Variants in TAF1 observed in about 807,000 individuals in gnomAD.
TAF1 encodes transcription initiation factor TFIID subunit 1.
Under a neutral mutation model 138.5 loss-of-function variants are expected in TAF1, and 2 were observed. That is an observed-to-expected ratio of 0.01 (90% CI 0.01 to 0.05). The LOEUF (loss-of-function observed/expected upper bound fraction) is 0.05. Among genes scored for constraint, TAF1 ranks in the 10% least tolerant of loss-of-function variants. The pLI is 1.00. For missense variants in TAF1, 709 were observed against 1,478.0 expected, an observed-to-expected ratio of 0.48 and a Z score of 8.53; for synonymous variants, 437 against 503.2, an observed-to-expected ratio of 0.87 and a Z score of 1.76.
At chrX:71,368,827 A>C (rs1364972829) in intron 3 of TAF1, 4 of 101,104 alleles carry the variant, frequency 4.0e-5, no homozygotes, top group East Asian at 3.2e-4. Context: ...AAAAAAAAAA[A>C]AAAACCCAAT....
intron 13 of TAF1, among the ~76,000 whole-genome samples, chrX:71,522,858 A>G (rs1469867247): frequency 1.2e-5 from 1 of 86,531 alleles, no homozygotes; most frequent in African/African-American, 4.3e-5. Context: ...TTTTCCTTTG[A>G]GCTTAGATTT....
At chrX:71,376,090 T>G (rs1367793890) in intron 4 of TAF1, among the ~76,000 whole-genome samples, 1 of 112,102 alleles carries the variant, frequency 8.9e-6, no homozygotes, top group Admixed American at 9.5e-5. Context: ...GTCCTAGGCT[T>G]GAAAACTGGG....
At chrX:71,460,219 C>G (rs1279241076) in intron 36 of TAF1, among the ~76,000 whole-genome samples, 2 of 111,672 alleles carry the variant, frequency 1.8e-5, no homozygotes, top group African/African-American at 6.5e-5. Context: ...ACAGCTTAGG[C>G]AACATAGTGA....
chrX:71,481,778 C>T lies in TAF1; in HGVS notation c.1366+20975C>T, dbSNP rs984419521. ...CTCACCGTGTTAGCCAGGATGGTCT[C>T]GATCTCCTGACCCCATGATCCGCCT... On this transcript the variant is annotated intron_variant and NMD_transcript_variant, in intron 13 of 14. Coordinates refer to the TAF1 transcript ENST00000373775. Among the ~76,000 whole-genome samples the T allele has an allele frequency of 1.3e-4, 14 of 111,244 alleles. 1 individual carries two copies. Among genetic ancestry groups the T allele is most frequent in the Admixed American group, 2.9e-4 (3 of 10,404 alleles).
At chrX:71,503,308 A>ATATATATATATGTG (rs2039551343) in intron 13 of TAF1, among the ~76,000 whole-genome samples, 1 of 95,766 alleles carries the variant, frequency 1.0e-5, no homozygotes, top group African/African-American at 4.2e-5. Context: ...GTATATATAT[A>ATATATATATATGTG]TATATATATA....
At chrX:71,423,282 G>A (rs1249603491) in intron 30 of TAF1, 43 bp downstream of exon 30, 3 of 1,208,608 alleles carry the variant, frequency 2.5e-6, no homozygotes, top group Admixed American at 2.2e-5. Flanking sequence ...TCGTGCAGGG[G>A]AAAGGAAAAA....
chrX:71,383,039 A>G lies in TAF1; in HGVS notation c.1822A>G (p.Met608Val). The change falls in exon 12 of 38, where the codon ATG (methionine) becomes GTG (valine). Residue 608 changes from methionine (M) to valine (V), a missense_variant. By Grantham distance (21) the Met-to-Val change is conservative. This residue lies in a region of TAF1 where 201 missense variants were observed against 421.3 expected (regional missense o/e 0.48). Transcript: ENST00000423759. ...ELRQPFFPTH[M>V]GPIKLRQFHR... Reference sequence around the variant, plus strand: ...ACGGCAGCCCTTCTTTCCCACCCACATGGGGCCCATCAAACTCCGGCAGTT... The same window carrying G: ...ACGGCAGCCCTTCTTTCCCACCCACGTGGGGCCCATCAAACTCCGGCAGTT... The G allele has an allele frequency of 1.7e-6, 2 of 1,210,990 alleles. No individual in the cohort carries two copies. The highest frequency in any genetic ancestry group is 2.2e-6 in the Non-Finnish European group (2 of 895,345).
rs1236814176 is a variant in TAF1, at chrX:71,465,605, A to T, written c.*1559A>T. On this transcript the variant is annotated 3_prime_UTR_variant, in exon 38 of 38. Coordinates refer to ENST00000423759, the MANE Select transcript of TAF1 (RefSeq NM_004606.5). The stretch of plus-strand genomic sequence containing the variant: ...CTGAAAGATGGGCAGGAAGTATATC[A>T]TCACAAGCTTTGTGTTTGATGTTAA... 1 of 112,106 alleles carries T rather than the reference A, an allele frequency of 8.9e-6. No homozygotes were observed. Among genetic ancestry groups the T allele is most frequent in the African/African-American group, 3.2e-5 (1 of 30,839 alleles). 9.2% of individuals were successfully genotyped at this position (112,106 alleles called of 1,213,427 possible). A position where few individuals can be genotyped will look rare whatever the true frequency, so the allele number is the denominator to read the frequency against.
At position 71,389,604 on chromosome X, in the gene TAF1, A is replaced by G; in HGVS notation, c.2720A>G (p.Lys907Arg). 8.3e-7 allele frequency: 1 copy of G among 1,207,898 alleles called. No homozygotes were observed. Among genetic ancestry groups the G allele is most frequent in the Non-Finnish European group, 1.1e-6 (1 of 894,362 alleles). ...QRLKDAGYGE[K>R]SFFAPEEENE... ...TTCCAGGATGCTGGCTATGGTGAGAAATCCTTTTTTGCTCCAGAAGAAGAA... is the reference window on the plus strand; with the variant it reads ...TTCCAGGATGCTGGCTATGGTGAGAGATCCTTTTTTGCTCCAGAAGAAGAA... Residue 907 changes from lysine (K) to arginine (R), a missense_variant, in exon 18 of 38, where the codon AAA becomes AGA. Physicochemically the swap from Lys to Arg is conservative, Grantham distance 26. Coordinates refer to ENST00000423759, the MANE Select transcript of TAF1 (RefSeq NM_004606.5).
Position 71,408,093 on chromosome X carries a change from T to A in TAF1, c.4326T>A (p.Ser1442=). The A allele has an allele frequency of 2.5e-6, 3 of 1,211,646 alleles. 1 individual carries two copies. In the South Asian group the frequency reaches 5.3e-5, roughly 21 times the overall value. The change falls in exon 28 of 38, where the codon TCT becomes TCA. Residue 1442 remains serine, a synonymous_variant. Transcript: ENST00000423759. ...ACGTGCGTAAACGCCTCTACCCATC[T>A]CGGGAAGAGTTCAGAGAGCATCTGG... ...RENVRKRLYP[S]REEFREHLEL...
intron 13 of TAF1, chrX:71,527,917 G>T (rs1239601234): frequency 1.4e-5 from 2 of 140,572 alleles, no homozygotes; most frequent in Admixed American, 1.3e-4. Flanking sequence ...TGTCATGGGT[G>T]CTGCAAAGAA....
At chrX:71,499,473 G>A (rs1214472054) in intron 13 of TAF1, among the ~76,000 whole-genome samples, 3 of 111,038 alleles carry the variant, frequency 2.7e-5, no homozygotes, top group Non-Finnish European at 5.7e-5. Context: ...ATTGACCCTC[G>A]AGGGAGTCAG....
At chrX:71,456,564 T>A (rs1415017305) in intron 34 of TAF1, among the ~76,000 whole-genome samples, 1 of 108,688 alleles carries the variant, frequency 9.2e-6, no homozygotes, top group East Asian at 2.9e-4. Context: ...AAGTGTAACC[T>A]GCCTTAATAC....
At position 71,481,866 on chromosome X, in the gene TAF1, G is replaced by A. The variant is rs932363235; in HGVS notation, c.1366+21063G>A. Among the ~76,000 whole-genome samples the A allele has an allele frequency of 3.6e-5, 4 of 112,254 alleles. No individual in the cohort carries two copies. In the East Asian group the frequency reaches 1.1e-3, roughly 32 times the overall value. On this transcript the variant is annotated intron_variant and NMD_transcript_variant, in intron 13 of 14. Transcript: ENST00000373775. ...GCCACTGCGCCCGGCCTATTGATGG[G>A]TTTTAAGTAGGAAAATGACATGATG...
At chrX:71,529,707 A>G (rs2040068064) in intron 14 of TAF1, 1 of 330,701 alleles carries the variant, frequency 3.0e-6, no homozygotes, top group Admixed American at 3.1e-5. Context: ...TGTTCTTTGT[A>G]TGCAGCTTCA....
chrX:71,431,151 C>T (rs929521962), intron 32 of TAF1, among the ~76,000 whole-genome samples: 7 of 107,603 alleles, frequency 6.5e-5, no homozygotes, highest in African/African-American at 1.7e-4. Flanking sequence ...CAACCTTCGC[C>T]GCCCAGGTTC....
chrX:71,377,148 T>C lies in TAF1; in HGVS notation c.671T>C (p.Leu224Ser), dbSNP rs2033534857. The change falls in exon 5 of 38, where the codon TTG (leucine) becomes TCG (serine). Residue 224 changes from leucine to serine, a missense_variant. Around this residue, in one of 14 missense-constraint regions of TAF1, gnomAD observed 16 missense variants for 42.1 expected, o/e 0.38. Coordinates refer to ENST00000423759, the MANE Select transcript of TAF1 (RefSeq NM_004606.5). ...ATGCAGCATGATGCCACCAAGCTGT[T>C]GCCAAGTGTCACAGAACTTTTTCCA... ...GIMQHDATKL[L>S]PSVTELFPEF... 1 of 1,209,761 alleles carries C rather than the reference T, an allele frequency of 8.3e-7. No individual in the cohort carries two copies. The highest frequency in any genetic ancestry group is 1.8e-5 in the South Asian group (1 of 56,803).
intron 9 of TAF1, 68 bp downstream of exon 9, chrX:71,381,987 A>G: frequency 5.6e-6 from 6 of 1,078,106 alleles, no homozygotes; most frequent in Non-Finnish European, 7.3e-6. Context: ...AACGGGCAGG[A>G]GGAAATCAGA....
chrX:71,376,215 T>C (rs778520571), intron 4 of TAF1, among the ~76,000 whole-genome samples: 2 of 112,086 alleles, frequency 1.8e-5, no homozygotes, highest in African/African-American at 6.5e-5. Context: ...CTGTTAACTT[T>C]GTTTTATAGA....
Sources: gnomAD v4.1 joint callset for allele counts (sites outside exome capture counted in the v4.1 genomes callset) on GRCh38, gnomAD v4.1.1 for gene constraint, gnomAD v4.1.1 regional missense constraint, MANE v1.5 for transcripts, NCBI Gene and HGNC (gene_info 2026-07-23, HGNC 2026-07-21) for gene names.